The following KIF6 variants were observed in gnomAD, a reference collection of about 807,000 sequenced individuals.
KIF6 encodes kinesin family member 6.
A neutral mutation model predicts 112.7 loss-of-function variants in KIF6; 106 were observed. The ratio of observed to expected loss-of-function variants is 0.94; its 90% CI spans 0.80 to 1.11. The LOEUF (loss-of-function observed/expected upper bound fraction) is 1.11. Among genes scored for constraint, KIF6 ranks in the 50% least tolerant of loss-of-function variants. The probability of loss-of-function intolerance (pLI) is 0.00; values close to 1 mark genes in which losing one functional copy is unlikely to be tolerated. For synonymous variants in KIF6, 339 were observed against 339.9 expected (o/e 1.00, Z 0.03); for missense variants, 929 against 964.0 (o/e 0.96, Z 0.48).
chr6:39,457,831 A>C (rs1773232015), intron 13 of KIF6, among the ~76,000 whole-genome samples: 1 of 151,876 alleles, frequency 6.6e-6, no homozygotes, highest in South Asian at 2.1e-4. Flanking sequence ...GAAGAAGTTG[A>C]ATCTCTGAAT....
intron 14 of KIF6, among the ~76,000 whole-genome samples, chr6:39,430,073 A>G (rs1450176748): frequency 6.6e-6 from 1 of 151,898 alleles, no homozygotes; most frequent in Non-Finnish European, 1.5e-5. Flanking sequence ...ATCTGACACT[A>G]CTGACAGTCT....
At position 39,333,280 on chromosome 6, in the gene KIF6, C is replaced by T. The variant is rs760609961; in HGVS notation, c.*3252G>A. ...TGTCTCTGGGTTCCAATTTCTGTGCCAGTCTGCTATTGCTACAATTAATGC... is the reference window on the plus strand; with the variant it reads ...TGTCTCTGGGTTCCAATTTCTGTGCTAGTCTGCTATTGCTACAATTAATGC... On this transcript the variant is annotated 3_prime_UTR_variant, in exon 23 of 23. Coordinates refer to ENST00000287152, the MANE Select transcript of KIF6 (RefSeq NM_145027.6). 1 of 152,130 alleles carries T rather than the reference C, an allele frequency of 6.6e-6. No individual in the cohort carries two copies. Among genetic ancestry groups the T allele is most frequent in the Non-Finnish European group, 1.5e-5 (1 of 68,034 alleles). The allele number at this position is 152,130 out of a possible 1,614,324, so 9.4% of individuals were successfully genotyped here. A position where few individuals can be genotyped will look rare whatever the true frequency, so the allele number is the denominator to read the frequency against.
At chr6:39,547,235 C>T (rs563492284) in intron 10 of KIF6, among the ~76,000 whole-genome samples, 12 of 152,246 alleles carry the variant, frequency 7.9e-5, no homozygotes, top group East Asian at 7.7e-4. Context: ...ATAGAACAGC[C>T]TTGGATTTCA....
chr6:39,650,681 A>G (rs1414509384), intron 3 of KIF6, among the ~76,000 whole-genome samples: 1 of 152,114 alleles, frequency 6.6e-6, no homozygotes, highest in Admixed American at 6.6e-5. Flanking sequence ...CTAAGGAGGC[A>G]ACTAAAATGA....
At chr6:39,591,845 G>A (rs1781968886) in intron 7 of KIF6, among the ~76,000 whole-genome samples, 1 of 152,190 alleles carries the variant, frequency 6.6e-6, no homozygotes, top group Non-Finnish European at 1.5e-5. Flanking sequence ...AGGAGCGGTG[G>A]CTCACACCTG....
At chr6:39,546,539 A>C (rs1315561605) in intron 10 of KIF6, among the ~76,000 whole-genome samples, 1 of 152,134 alleles carries the variant, frequency 6.6e-6, no homozygotes, top group African/African-American at 2.4e-5. Context: ...CTAAAGTCCT[A>C]GTTTGGCCGG....
chr6:39,399,090 T>C (rs796066262), intron 15 of KIF6, among the ~76,000 whole-genome samples: 6 of 152,370 alleles, frequency 3.9e-5, no homozygotes, highest in African/African-American at 1.2e-4. Flanking sequence ...CTCCAGCTTA[T>C]AGGCTTGCCC....
chr6:39,583,674 CTTTTTTT>C (rs564229262), intron 9 of KIF6, among the ~76,000 whole-genome samples: 4 of 71,706 alleles, frequency 5.6e-5, no homozygotes, highest in African/African-American at 2.0e-4. Flanking sequence ...GATTTCACTT[CTTTTTTT>C]TTTTTTTTTT....
At chr6:39,621,570 T>C (rs1375394111) in intron 5 of KIF6, among the ~76,000 whole-genome samples, 1 of 152,218 alleles carries the variant, frequency 6.6e-6, no homozygotes, top group Non-Finnish European at 1.5e-5. Context: ...TCCTTGTTCA[T>C]CGCTGTGCCC....
chr6:39,523,402 T>C (rs1241829920), intron 13 of KIF6, among the ~76,000 whole-genome samples: 2 of 151,960 alleles, frequency 1.3e-5, no homozygotes, highest in Admixed American at 6.6e-5. Context: ...GGCTCCCTAC[T>C]GCCAAGAAAA....
intron 15 of KIF6, among the ~76,000 whole-genome samples, chr6:39,401,255 T>G (rs1768678620): frequency 6.6e-6 from 1 of 152,254 alleles, no homozygotes; most frequent in South Asian, 2.1e-4. Flanking sequence ...TGAGAAAGCC[T>G]GCATAATCCA....
At chr6:39,460,202 T>C (rs1773371831) in intron 13 of KIF6, among the ~76,000 whole-genome samples, 1 of 131,134 alleles carries the variant, frequency 7.6e-6, no homozygotes, top group Non-Finnish European at 1.6e-5. Flanking sequence ...CCATAAAAAA[T>C]GATGAGTTCA....
intron 6 of KIF6, among the ~76,000 whole-genome samples, chr6:39,611,749 A>G (rs1783227712): frequency 6.6e-6 from 1 of 152,174 alleles, no homozygotes; most frequent in South Asian, 2.1e-4. Flanking sequence ...TAAACTATAT[A>G]TGGAGGAACA....
intron 3 of KIF6, among the ~76,000 whole-genome samples, chr6:39,692,819 A>G (rs1788296550): frequency 6.6e-6 from 1 of 151,680 alleles, no homozygotes; most frequent in African/African-American, 2.4e-5. Flanking sequence ...ATGAAACAGA[A>G]GAGTTATCCT....
chr6:39,336,173 C>T lies in KIF6; in HGVS notation c.*359G>A. The T allele has an allele frequency of 4.8e-6, 1 of 209,026 alleles. No homozygotes were observed. Among genetic ancestry groups the T allele is most frequent in the South Asian group, 1.2e-4 (1 of 8,566 alleles). The allele number at this position is 209,026 out of a possible 1,614,324, so 12.9% of individuals were successfully genotyped here. On this transcript the variant is annotated 3_prime_UTR_variant, in exon 23 of 23. Transcript: ENST00000287152. ...TTCCACTGGTGTGAGCATCCTCTGA[C>T]ATTATATTTTGATGGTGCTATTTCA...
At chr6:39,703,052 G>A (rs1263034973) in intron 3 of KIF6, among the ~76,000 whole-genome samples, 28 of 7,512 alleles carry the variant, frequency 3.7e-3, no homozygotes, top group Admixed American at 0.012. Context: ...TCCACCCCCC[G>A]GCCACCAAGA....
rs763762810 is a variant in KIF6 at position 39,586,346 on chromosome 6, A to T, written c.905T>A (p.Met302Lys). Reference sequence around the variant, plus strand: ...CAAACTGTCTCTTAGGACACTGGTCATCATGGAGTTTCTATAAGGAATGTG... The same window carrying T: ...CAAACTGTCTCTTAGGACACTGGTCTTCATGGAGTTTCTATAAGGAATGTG... ...RSHIPYRNSM[M>K]TSVLRDSLGG... is the part of the protein sequence containing the mutation. The change falls in exon 8 of 23, where the codon ATG becomes AAG. Residue 302 changes from methionine (M) to lysine (K), a missense_variant. Met to Lys is a moderately conservative substitution (Grantham distance 95). Transcript: ENST00000287152. The T allele has an allele frequency of 1.9e-6, 3 of 1,614,078 alleles. No individual in the cohort carries two copies. Among genetic ancestry groups the T allele is most frequent in the Non-Finnish European group, 2.5e-6 (3 of 1,179,882 alleles).
intron 18 of KIF6, 71 bp from the exon 19 acceptor site, chr6:39,357,445 A>AT: frequency 1.2e-5 from 10 of 855,596 alleles, no homozygotes; most frequent in Admixed American, 4.9e-5. Context: ...TTTTGATGTA[A>AT]TTCTTTTTTT....
intron 5 of KIF6, among the ~76,000 whole-genome samples, chr6:39,632,419 A>C (rs1784404927): frequency 6.6e-6 from 1 of 152,126 alleles, no homozygotes; most frequent in Admixed American, 6.6e-5. Flanking sequence ...GATCAAGGTC[A>C]ACAGACATTT....
Sources: allele counts gnomAD v4.1 joint callset (sites outside exome capture counted in the v4.1 genomes callset), GRCh38; gene constraint gnomAD v4.1.1; transcripts MANE v1.5; gene names NCBI Gene and HGNC (gene_info 2026-07-23, HGNC 2026-07-21).